ATM: variants seen among roughly 807,000 people sequenced by gnomAD.
The protein encoded by ATM is serine-protein kinase ATM.
Under a neutral mutation model 387.0 loss-of-function variants are expected in ATM, and 308 were observed. The observed-to-expected ratio is 0.80, with a 90% CI of 0.73 to 0.87. The LOEUF (loss-of-function observed/expected upper bound fraction) is 0.87. Ranked by LOEUF, ATM falls within the 40% of genes least tolerant of loss-of-function variation. ATM has a pLI of 0.00. For missense variants in ATM, 3,312 were observed against 3,560.9 expected, an observed-to-expected ratio of 0.93 and a Z score of 1.78; for synonymous variants, 1,156 against 1,187.3, an observed-to-expected ratio of 0.97 and a Z score of 0.54.
At chr11:108,362,722 TCTCA>T (rs1179099806) in intron 61 of ATM, among the ~76,000 whole-genome samples, 1 of 144,690 alleles carries the variant, frequency 6.9e-6, no homozygotes, top group Non-Finnish European at 1.5e-5. Flanking sequence ...CACCGCATAT[TCTCA>T]CTCATAGGTG....
chr11:108,257,122 A>G (rs1361162710), intron 14 of ATM, among the ~76,000 whole-genome samples: 2 of 152,164 alleles, frequency 1.3e-5, no homozygotes. Flanking sequence ...GAACTAATTT[A>G]CACTCCCACC....
In ATM at chr11:108,365,858, G is replaced by A. The variant is rs1346887400; in HGVS notation, c.*350G>A. 1.2e-5 allele frequency: 3 copies of A among 247,110 alleles called. No individual in the cohort carries two copies. The highest frequency in any genetic ancestry group is 2.4e-5 in the Non-Finnish European group (3 of 124,928). 15.3% of individuals were successfully genotyped at this position (247,110 alleles called of 1,614,324 possible). Reference sequence around the variant, plus strand: ...AGCCTGGCCAGTATGGTGAAACCCTGTCTCTACTAAAAATACAAAAATTAG... The same window carrying A: ...AGCCTGGCCAGTATGGTGAAACCCTATCTCTACTAAAAATACAAAAATTAG... On this transcript the variant is annotated 3_prime_UTR_variant, in exon 63 of 63. Coordinates refer to ENST00000675843, the MANE Select transcript of ATM (RefSeq NM_000051.4).
At position 108,235,850 on chromosome 11, in the gene ATM, T is replaced by G. The variant is rs776924718; in HGVS notation, c.496+16T>G. 3.1e-6 allele frequency: 5 copies of G among 1,613,606 alleles called. No individual in the cohort carries two copies. The highest frequency in any genetic ancestry group is 2.2e-5 in the South Asian group (2 of 91,074). Reference sequence around the variant, plus strand: ...CAGTGGTTAGGTATGTTTTGAAGGTTGTTGTTTGTGAATTTTTCCTCATGA... The same window carrying G: ...CAGTGGTTAGGTATGTTTTGAAGGTGGTTGTTTGTGAATTTTTCCTCATGA... On this transcript the variant is annotated intron_variant, in intron 5 of 62. Transcript: ENST00000675843.
In ATM at chr11:108,365,810, G is replaced by A. The variant is rs1257872379; in HGVS notation, c.*302G>A. The A allele has an allele frequency of 1.9e-5, 7 of 376,566 alleles. No homozygotes were observed. Among genetic ancestry groups the A allele is most frequent in the African/African-American group, 6.2e-5 (3 of 48,220 alleles). The allele number at this position is 376,566 out of a possible 1,614,324, so 23.3% of individuals were successfully genotyped here. A position where few individuals can be genotyped will look rare whatever the true frequency, so the allele number is the denominator to read the frequency against. On this transcript the variant is annotated 3_prime_UTR_variant, in exon 63 of 63. Transcript: ENST00000675843. ...GAGCGGATCACAAGGTCAGGAGTTCGAGACCAGCCTGGCCAAGAGACCAGC... is the reference window on the plus strand; with the variant it reads ...GAGCGGATCACAAGGTCAGGAGTTCAAGACCAGCCTGGCCAAGAGACCAGC...
At chr11:108,250,553 A>G (rs906568454) in intron 9 of ATM, 148 bp from the exon 10 acceptor site, 19 of 905,442 alleles carry the variant, frequency 2.1e-5, no homozygotes, top group African/African-American at 3.4e-5. Flanking sequence ...CATAGTAACT[A>G]TTAACAGCCA....
intron 42 of ATM, 40 bp downstream of exon 42, chr11:108,316,153 T>G: frequency 6.5e-7 from 1 of 1,536,474 alleles, no homozygotes; most frequent in Non-Finnish European, 9.0e-7. Flanking sequence ...ATCACTAGTG[T>G]AGTGCTGAGG....
intron 27 of ATM, 147 bp from the exon 28 acceptor site, chr11:108,288,830 A>G: frequency 3.4e-6 from 3 of 878,190 alleles, no homozygotes; most frequent in Non-Finnish European, 5.3e-6. Flanking sequence ...GTCATTTGTG[A>G]TTTTATTGAA....
At chr11:108,344,457 G>A (rs1235896667) in intron 57 of ATM, among the ~76,000 whole-genome samples, 1 of 152,188 alleles carries the variant, frequency 6.6e-6, no homozygotes, top group Non-Finnish European at 1.5e-5. Context: ...TCAAAAGATG[G>A]AGTGTTGCTT....
chr11:108,247,665 C>T (rs4987930), intron 8 of ATM, among the ~76,000 whole-genome samples: 2,000 of 152,116 alleles, frequency 0.013, 52 homozygotes, highest in African/African-American at 0.044. Context: ...GCACAATCTC[C>T]GCTCACTGCA....
intron 39 of ATM, among the ~76,000 whole-genome samples, chr11:108,310,559 A>G (rs1412557134): frequency 6.6e-6 from 1 of 152,172 alleles, no homozygotes; most frequent in Non-Finnish European, 1.5e-5. Context: ...TTCCTATAGG[A>G]CAGAGTCCAT....
chr11:108,290,282 A>G (rs2082713842), intron 29 of ATM: 1 of 152,418 alleles, frequency 6.6e-6, no homozygotes, highest in Non-Finnish European at 1.5e-5. Flanking sequence ...AAATTGCGCT[A>G]CTTGCCTGGG....
chr11:108,243,875 T>A (rs2135219485), intron 5 of ATM, 78 bp from the exon 6 acceptor site: 2 of 1,298,504 alleles, frequency 1.5e-6, no homozygotes, highest in Non-Finnish European at 2.1e-6. Flanking sequence ...GATTATGGAA[T>A]ATTTAAGTTA....
intron 22 of ATM, among the ~76,000 whole-genome samples, chr11:108,278,835 A>G (rs993546654): frequency 1.3e-5 from 2 of 152,158 alleles, no homozygotes; most frequent in Non-Finnish European, 2.9e-5. Flanking sequence ...CCTAATGGGG[A>G]TCAGATTTCA....
chr11:108,233,121 C>A (rs687647), intron 4 of ATM, among the ~76,000 whole-genome samples: 367 of 152,344 alleles, frequency 2.4e-3, no homozygotes, highest in African/African-American at 8.4e-3. Flanking sequence ...CTTGTCATCC[C>A]AAACTGCTGG....
intron 24 of ATM, among the ~76,000 whole-genome samples, chr11:108,281,754 T>A (rs1430982629): frequency 6.6e-6 from 1 of 152,178 alleles, no homozygotes; most frequent in African/African-American, 2.4e-5. Context: ...AGTGGACTGA[T>A]ATTATGCCAG....
At chr11:108,224,100 T>A (rs1191595367) in intron 1 of ATM, 1 of 152,238 alleles carries the variant, frequency 6.6e-6, no homozygotes, top group Admixed American at 6.5e-5. Context: ...TCAGGCACTG[T>A]AAGCATGTAT....
chr11:108,237,617 A>C (rs1591480829), intron 5 of ATM, among the ~76,000 whole-genome samples: 1 of 152,184 alleles, frequency 6.6e-6, no homozygotes, highest in South Asian at 2.1e-4. Context: ...GAAGAAGCGA[A>C]GTCTGTGCTC....
chr11:108,325,117 T>G (rs749446405), intron 45 of ATM, among the ~76,000 whole-genome samples, 193 bp from the exon 46 acceptor site: 2 of 152,200 alleles, frequency 1.3e-5, no homozygotes, highest in Non-Finnish European at 2.9e-5. Flanking sequence ...TTAAGAGCTC[T>G]GACCGCATAG....
chr11:108,365,153 G>A lies in ATM; in HGVS notation c.8922G>A (p.Pro2974=), dbSNP rs527248759. 3.8e-5 allele frequency: 61 copies of A among 1,614,044 alleles called. No homozygotes were observed. Among genetic ancestry groups the A allele is most frequent in the Non-Finnish European group, 4.5e-5 (53 of 1,180,032 alleles). The change falls in exon 62 of 63, where the codon CCG becomes CCA. Residue 2974 remains proline, a synonymous_variant. Transcript: ENST00000675843. ...AAGCTTTGTATTTACAGCAGAGGCC[G>A]GAAGATGAAACTGAGCTTCACCCTA... ...PLKALYLQQR[P]EDETELHPTL...
Sources: gnomAD v4.1 joint callset for allele counts (sites outside exome capture counted in the v4.1 genomes callset) on GRCh38, gnomAD v4.1.1 for gene constraint, MANE v1.5 for transcripts, NCBI Gene and HGNC (gene_info 2026-07-23, HGNC 2026-07-21) for gene names.